INPP5B: variants seen among roughly 807,000 people sequenced by gnomAD.
INPP5B encodes inositol polyphosphate-5-phosphatase B.
Under a neutral mutation model 118.5 loss-of-function variants are expected in INPP5B, and 90 were observed. The observed-to-expected ratio is 0.76, with a 90% CI of 0.64 to 0.90. The LOEUF (loss-of-function observed/expected upper bound fraction) is 0.90, where lower values mean the gene tolerates loss of function less well. INPP5B is among the 40% of genes least tolerant of loss of function. INPP5B has a pLI of 0.00. For synonymous variants in INPP5B, 385 were observed against 418.9 expected, an observed-to-expected ratio of 0.92 and a Z score of 0.99; for missense variants, 984 against 1,125.6, an observed-to-expected ratio of 0.87 and a Z score of 1.80.
chr1:37,893,673 C>T (rs1031675199), intron 7 of INPP5B, among the ~76,000 whole-genome samples: 1 of 152,146 alleles, frequency 6.6e-6, no homozygotes, highest in Non-Finnish European at 1.5e-5. Context: ...AATCGGATCA[C>T]ATCACTTTAA....
At chr1:37,868,183 G>A (rs964179111) in intron 20 of INPP5B, among the ~76,000 whole-genome samples, 2 of 152,058 alleles carry the variant, frequency 1.3e-5, no homozygotes, top group Non-Finnish European at 2.9e-5. Flanking sequence ...CATGATGGCA[G>A]GTGCCTGTAA....
At chr1:37,931,522 C>A in intron 7 of INPP5B, 1 of 1,535,662 alleles carries the variant, frequency 6.5e-7, no homozygotes, top group Non-Finnish European at 8.7e-7. Context: ...GAACTTCTGC[C>A]CCAGTGTCCC....
intron 5 of INPP5B, among the ~76,000 whole-genome samples, chr1:37,943,111 C>G (rs569718311): frequency 6.6e-6 from 1 of 152,066 alleles, no homozygotes; most frequent in Admixed American, 6.5e-5. Flanking sequence ...AGCAATTCTC[C>G]TGCCTCAGCC....
chr1:37,866,430 A>T, intron 21 of INPP5B, 29 bp downstream of exon 21: 2 of 1,173,892 alleles, frequency 1.7e-6, no homozygotes, highest in Non-Finnish European at 2.6e-6. Flanking sequence ...ACACACACAC[A>T]CACACAGAGC....
At chr1:37,909,410 C>T (rs1233967800) in intron 7 of INPP5B, among the ~76,000 whole-genome samples, 2 of 152,162 alleles carry the variant, frequency 1.3e-5, no homozygotes, top group Non-Finnish European at 2.9e-5. Flanking sequence ...CCCCTCCTCA[C>T]ACCCGGTCTG....
At chr1:37,943,127 A>T (rs1645994574) in intron 5 of INPP5B, among the ~76,000 whole-genome samples, 1 of 151,664 alleles carries the variant, frequency 6.6e-6, no homozygotes, top group South Asian at 2.1e-4. Context: ...CAGCCTCTCG[A>T]GTAGCTGGGA....
chr1:37,874,108 A>T lies in INPP5B; in HGVS notation c.1836T>A (p.Phe612Leu). The change falls in exon 18 of 24, where the codon TTT (phenylalanine) becomes TTA (leucine). Residue 612 changes from phenylalanine to leucine, a missense_variant. This residue lies in a region of INPP5B where 634 missense variants were observed against 791.0 expected (regional missense o/e 0.80). Transcript: ENST00000373024. The stretch of plus-strand genomic sequence containing the variant: ...AGGGTACTTGTCCATTATGAATTGT[A>T]AAGGATTCTACTTTCAATTGCATGT... Reference protein sequence around the residue: ...VKYMQLKVESFTIHNGQVPCH... With the variant: ...VKYMQLKVESLTIHNGQVPCH... 6.2e-7 allele frequency: 1 copy of T among 1,600,048 alleles called. No individual in the cohort carries two copies. The highest frequency in any genetic ancestry group is 8.6e-7 in the Non-Finnish European group (1 of 1,169,544).
intron 6 of INPP5B, among the ~76,000 whole-genome samples, chr1:37,936,512 T>G (rs191057976): frequency 2.5e-3 from 375 of 152,076 alleles, no homozygotes; most frequent in African/African-American, 8.5e-3. Flanking sequence ...TCCCAGCTAC[T>G]CAGGAGGCTG....
At chr1:37,908,506 G>A (rs1418212466) in intron 7 of INPP5B, among the ~76,000 whole-genome samples, 1 of 152,000 alleles carries the variant, frequency 6.6e-6, no homozygotes, top group Non-Finnish European at 1.5e-5. Flanking sequence ...GAGGCTAAGA[G>A]GCGGGAGGAT....
chr1:37,875,608 C>G lies in INPP5B; in HGVS notation c.1786G>C (p.Glu596Gln). 1 of 1,611,996 alleles carries G rather than the reference C, an allele frequency of 6.2e-7. No homozygotes were observed. Among genetic ancestry groups the G allele is most frequent in the South Asian group, 1.1e-5 (1 of 91,048 alleles). ...TATTCTTAACATGTCCTTCCTACCT[C>G]TCGCTTGGACAGGGACACAGAAGGA... Reference protein sequence around the residue: ...NIPSVSLSKREFCFQNVKYMQ... With the variant: ...NIPSVSLSKRQFCFQNVKYMQ... The change falls in exon 17 of 24, where the codon GAG (glutamate) becomes CAG (glutamine). Residue 596 changes from glutamate (E) to glutamine (Q), a missense_variant and splice_region_variant. Glu to Gln is a conservative substitution (Grantham distance 29). Transcript: ENST00000373024.
chr1:37,933,440 C>A (rs1355563537), intron 6 of INPP5B, among the ~76,000 whole-genome samples: 1 of 151,994 alleles, frequency 6.6e-6, no homozygotes, highest in Non-Finnish European at 1.5e-5. Context: ...CCCAGCTACT[C>A]GGGAGGCTGA....
At chr1:37,942,895 T>G in intron 5 of INPP5B, among the ~76,000 whole-genome samples, 7 of 130,666 alleles carry the variant, frequency 5.4e-5, no homozygotes, top group South Asian at 2.4e-4. Flanking sequence ...GGTGACAGAG[T>G]GAGATTCTGT....
intron 16 of INPP5B, among the ~76,000 whole-genome samples, chr1:37,877,740 C>T (rs183467614): frequency 1.6e-4 from 24 of 152,216 alleles, no homozygotes; most frequent in Non-Finnish European, 3.4e-4. Context: ...ATGGCTCATC[C>T]ATACTATGGA....
At position 37,891,438 on chromosome 1, in the gene INPP5B, A is replaced by G. The variant is rs1557656104; in HGVS notation, c.549T>C (p.Asp183=). The G allele has an allele frequency of 3.1e-6, 5 of 1,613,346 alleles. No homozygotes were observed. The highest frequency in any genetic ancestry group is 4.2e-6 in the Non-Finnish European group (5 of 1,179,400). ...ATIGGGGSNF[D]GLRPNGKGVP... ...CTCCCTTCCCATTTGGTCTCAAACC[A>G]TCAAAGTTAGAACCACCTAAAGGGA... is the stretch of plus-strand genomic sequence containing the variant. Residue 183 remains aspartate, a synonymous_variant, in exon 8 of 24, where the codon GAT becomes GAC. Transcript: ENST00000373024.
At chr1:37,934,925 C>G (rs571433787) in intron 6 of INPP5B, among the ~76,000 whole-genome samples, 33 of 151,452 alleles carry the variant, frequency 2.2e-4, no homozygotes, top group African/African-American at 7.5e-4. Context: ...CTTGGCCGGG[C>G]GCAGTGGCTC....
intron 7 of INPP5B, among the ~76,000 whole-genome samples, chr1:37,901,843 T>C (rs1175128566): frequency 6.6e-6 from 1 of 152,082 alleles, no homozygotes; most frequent in African/African-American, 2.4e-5. Flanking sequence ...CTTCCTGTCT[T>C]TTCTCCTCTC....
At chr1:37,941,958 A>AAAAAAAAAAAAATATATATATATAT (rs1427344681) in intron 5 of INPP5B, 3 of 30,378 alleles carry the variant, frequency 9.9e-5, no homozygotes, top group African/African-American at 1.5e-4. Context: ...AAAAAAAAAA[A>AAAAAAAAAAAAATATATATATATAT]ATATATATAT....
chr1:37,893,654 T>A (rs981762883), intron 7 of INPP5B, among the ~76,000 whole-genome samples: 2 of 152,174 alleles, frequency 1.3e-5, no homozygotes, highest in Non-Finnish European at 2.9e-5. Context: ...GAGGATTTTT[T>A]AAAAAGTAAA....
rs1031030359 is a variant in INPP5B at position 37,861,183 on chromosome 1, G to A, written c.*1132C>T. 1 of 152,188 alleles carries A rather than the reference G, an allele frequency of 6.6e-6. No homozygotes were observed. Among genetic ancestry groups the A allele is most frequent in the African/African-American group, 2.4e-5 (1 of 41,448 alleles). The allele number at this position is 152,188 out of a possible 1,614,324, so 9.4% of individuals were successfully genotyped here. On this transcript the variant is annotated 3_prime_UTR_variant, in exon 24 of 24. Transcript: ENST00000373024. Reference sequence around the variant, plus strand: ...CTCAGAGGCTGAGCAACCAGCCTCAGAGTTATTGAGCCATTATCTGGGCAG... The same window carrying A: ...CTCAGAGGCTGAGCAACCAGCCTCAAAGTTATTGAGCCATTATCTGGGCAG...
Sources: gnomAD v4.1 joint callset for allele counts (sites outside exome capture counted in the v4.1 genomes callset) on GRCh38, gnomAD v4.1.1 for gene constraint, gnomAD v4.1.1 regional missense constraint, MANE v1.5 for transcripts, NCBI Gene and HGNC (gene_info 2026-07-23, HGNC 2026-07-21) for gene names.